The following NSUN3 variants were observed in gnomAD, a reference collection of about 807,000 sequenced individuals.
The protein encoded by NSUN3 is NOP2/Sun RNA methyltransferase 3.
In NSUN3, 24 loss-of-function variants were observed where a neutral mutation model predicts 36.8. That is an observed-to-expected ratio of 0.65 (90% CI 0.47 to 0.92). The LOEUF (loss-of-function observed/expected upper bound fraction) is 0.92, where lower values mean the gene tolerates loss of function less well. NSUN3 is among the 40% of genes least tolerant of loss of function. NSUN3 has a pLI of 0.00. For synonymous variants in NSUN3, 146 were observed against 145.2 expected (o/e 1.01, Z -0.04); for missense variants, 381 against 392.8 (o/e 0.97, Z 0.25).
chr3:94,119,442 G>C (rs2107272550), intron 5 of NSUN3, among the ~76,000 whole-genome samples: 1 of 152,236 alleles, frequency 6.6e-6, no homozygotes, highest in African/African-American at 2.4e-5. Flanking sequence ...TCTGGGGGAG[G>C]GGGACAGGGA....
chr3:94,087,485 G>C (rs2077296719), intron 3 of NSUN3, among the ~76,000 whole-genome samples: 1 of 152,168 alleles, frequency 6.6e-6, no homozygotes, highest in Non-Finnish European at 1.5e-5. Context: ...GACTCACCAT[G>C]GTTGTTGTCA....
intron 5 of NSUN3, among the ~76,000 whole-genome samples, chr3:94,102,927 C>T: frequency 6.6e-6 from 1 of 151,932 alleles, no homozygotes. Flanking sequence ...CACTCTGTTG[C>T]CCAGGCTGGA....
At chr3:94,094,380 C>A in intron 4 of NSUN3, 86 bp downstream of exon 4, 2 of 1,337,810 alleles carry the variant, frequency 1.5e-6, no homozygotes, top group Non-Finnish European at 2.1e-6. Context: ...TCCATCTGTT[C>A]TCAGACATAG....
chr3:94,116,775 G>A (rs1448865738), intron 5 of NSUN3, among the ~76,000 whole-genome samples: 1 of 152,012 alleles, frequency 6.6e-6, no homozygotes, highest in East Asian at 1.9e-4. Context: ...GAATTTGTTT[G>A]GATTTGTTAA....
intron 5 of NSUN3, among the ~76,000 whole-genome samples, chr3:94,115,056 G>C (rs1206150837): frequency 6.6e-6 from 1 of 151,778 alleles, no homozygotes; most frequent in Non-Finnish European, 1.5e-5. Context: ...TTACCTTTTT[G>C]GTTTTGGACT....
At chr3:94,083,374 A>G (rs977238679) in intron 2 of NSUN3, among the ~76,000 whole-genome samples, 4 of 152,220 alleles carry the variant, frequency 2.6e-5, no homozygotes, top group African/African-American at 9.6e-5. Flanking sequence ...AATGGCCACA[A>G]GGGCCCCAGA....
chr3:94,093,717 T>C (rs2077325766), intron 3 of NSUN3, among the ~76,000 whole-genome samples: 2 of 152,246 alleles, frequency 1.3e-5, no homozygotes, highest in Non-Finnish European at 2.9e-5. Flanking sequence ...TCTGCCGCAA[T>C]GTGAGTTTCA....
intron 1 of NSUN3, chr3:94,063,364 G>C (rs1265020056): frequency 1.9e-6 from 1 of 536,254 alleles, no homozygotes; most frequent in Non-Finnish European, 3.4e-6. Flanking sequence ...ACTCCCTCCA[G>C]CTCTTGGAGG....
chr3:94,121,983 A>G (rs1177677535), intron 5 of NSUN3, among the ~76,000 whole-genome samples: 1 of 151,976 alleles, frequency 6.6e-6, no homozygotes, highest in African/African-American at 2.4e-5. Flanking sequence ...CGTCTCTACT[A>G]AAAGTACAAA....
At chr3:94,081,311 C>A (rs758687163) in intron 2 of NSUN3, among the ~76,000 whole-genome samples, 2 of 152,156 alleles carry the variant, frequency 1.3e-5, no homozygotes, top group Non-Finnish European at 2.9e-5. Flanking sequence ...CCACCTTCTG[C>A]GTTGATCTTG....
At chr3:94,090,607 G>T (rs555257041) in intron 3 of NSUN3, among the ~76,000 whole-genome samples, 1 of 151,944 alleles carries the variant, frequency 6.6e-6, no homozygotes, top group South Asian at 2.1e-4. Context: ...TGTTTCCTGC[G>T]GTGTGACAGA....
intron 2 of NSUN3, among the ~76,000 whole-genome samples, chr3:94,080,335 G>A (rs935515749): frequency 1.3e-5 from 2 of 152,184 alleles, no homozygotes; most frequent in African/African-American, 4.8e-5. Context: ...CCTGTATGAG[G>A]TGTCTGTCAG....
chr3:94,109,213 CT>C (rs2077405320), intron 5 of NSUN3, among the ~76,000 whole-genome samples: 1 of 152,084 alleles, frequency 6.6e-6, no homozygotes, highest in Admixed American at 6.5e-5. Flanking sequence ...GCTCATTCAC[CT>C]AGTTAAAAGG....
At chr3:94,102,534 A>C (rs2077370527) in intron 5 of NSUN3, among the ~76,000 whole-genome samples, 1 of 152,172 alleles carries the variant, frequency 6.6e-6, no homozygotes. Context: ...ATTACTACTA[A>C]TAATTATTTT....
chr3:94,100,556 C>T (rs1403985719), intron 5 of NSUN3, among the ~76,000 whole-genome samples: 3 of 152,092 alleles, frequency 2.0e-5, no homozygotes, highest in Admixed American at 6.6e-5. Flanking sequence ...AATGATCTGT[C>T]GCACTATGTG....
At position 94,084,517 on chromosome 3, in the gene NSUN3, G is replaced by GTATA; in HGVS notation, c.466+71_466+74dup. 7 of 1,206,442 alleles carry GTATA rather than the reference G, an allele frequency of 5.8e-6. 1 individual carries two copies. Among genetic ancestry groups the GTATA allele is most frequent in the Middle Eastern group, 2.0e-4 (1 of 5,008 alleles). The allele number at this position is 1,206,442 out of a possible 1,614,324, so 74.7% of individuals were successfully genotyped here. A position where few individuals can be genotyped will look rare whatever the true frequency, so the allele number is the denominator to read the frequency against. On this transcript the variant is annotated intron_variant, in intron 3 of 5. Coordinates refer to ENST00000314622, the MANE Select transcript of NSUN3 (RefSeq NM_022072.5). ...CTGTATGTTATAGAGAATTCTGAAAGTATATATGGGGAGAAACGTAAGACT... is the reference window on the plus strand; with the variant it reads ...CTGTATGTTATAGAGAATTCTGAAAGTATATATATATGGGGAGAAACGTAAGACT...
chr3:94,101,976 G>A (rs2077367701), intron 5 of NSUN3, among the ~76,000 whole-genome samples: 1 of 152,018 alleles, frequency 6.6e-6, no homozygotes, highest in African/African-American at 2.4e-5. Context: ...TTGCAGTAAT[G>A]TATCATGTCA....
At chr3:94,085,066 G>A (rs577335563) in intron 3 of NSUN3, 2 of 152,032 alleles carry the variant, frequency 1.3e-5, no homozygotes, top group South Asian at 2.1e-4. Flanking sequence ...AATTGGTTAC[G>A]TTACAGTTAC....
intron 5 of NSUN3, among the ~76,000 whole-genome samples, chr3:94,114,173 C>T (rs1022062600): frequency 6.6e-6 from 1 of 152,188 alleles, no homozygotes; most frequent in Admixed American, 6.5e-5. Flanking sequence ...AGAATGAATG[C>T]ATGTGGTGTC....
Sources: gnomAD v4.1 joint callset for allele counts (sites outside exome capture counted in the v4.1 genomes callset) on GRCh38, gnomAD v4.1.1 for gene constraint, MANE v1.5 for transcripts, NCBI Gene and HGNC (gene_info 2026-07-23, HGNC 2026-07-21) for gene names.